Variants in AHCYL2 observed in about 807,000 individuals in gnomAD.
The protein encoded by AHCYL2 is adenosylhomocysteinase like 2, also known as S-adenosylhomocysteine hydrolase-like protein 2.
In AHCYL2, 28 loss-of-function variants were observed where a neutral mutation model predicts 81.4. The ratio of observed to expected loss-of-function variants is 0.34; its 90% CI spans 0.25 to 0.47. The LOEUF (loss-of-function observed/expected upper bound fraction) is 0.47. Among genes scored for constraint, AHCYL2 ranks in the 20% least tolerant of loss-of-function variants. The pLI is 1.00. For synonymous variants in AHCYL2, 272 were observed against 290.2 expected (o/e 0.94, Z 0.64); for missense variants, 551 against 785.1 (o/e 0.70, Z 3.56).
intron 1 of AHCYL2, among the ~76,000 whole-genome samples, chr7:129,310,571 A>G (rs1797619623): frequency 6.6e-6 from 1 of 152,220 alleles, no homozygotes; most frequent in African/African-American, 2.4e-5. Flanking sequence ...TAAGTGTTAA[A>G]TGCTATACAG....
chr7:129,367,016 A>G (rs961988179), intron 1 of AHCYL2, among the ~76,000 whole-genome samples: 1 of 152,184 alleles, frequency 6.6e-6, no homozygotes, highest in African/African-American at 2.4e-5. Flanking sequence ...TGGGTAGATA[A>G]GAGACAAATG....
intron 12 of AHCYL2, among the ~76,000 whole-genome samples, chr7:129,414,687 G>A (rs1263477004): frequency 6.6e-6 from 1 of 152,032 alleles, no homozygotes; most frequent in African/African-American, 2.4e-5. Flanking sequence ...CCAAAGTGCT[G>A]GGATTACAGG....
At chr7:129,304,140 A>C (rs1307688870) in intron 1 of AHCYL2, among the ~76,000 whole-genome samples, 17 of 152,212 alleles carry the variant, frequency 1.1e-4, no homozygotes. Flanking sequence ...AGGTTTGGGT[A>C]TGTTATGTTT....
At chr7:129,394,440 CTT>C (rs35797517) in intron 4 of AHCYL2, among the ~76,000 whole-genome samples, 3 of 45,734 alleles carry the variant, frequency 6.6e-5, no homozygotes, top group African/African-American at 8.2e-5. Flanking sequence ...TTGTATTTGA[CTT>C]TTTTTTTTTT....
chr7:129,339,701 A>AT (rs879264966), intron 1 of AHCYL2, among the ~76,000 whole-genome samples: 1,967 of 144,624 alleles, frequency 0.014, 21 homozygotes, highest in African/African-American at 0.029. Context: ...CTTGCTAATT[A>AT]TTTTTTTTTT....
chr7:129,320,679 G>T (rs936196351), intron 1 of AHCYL2, among the ~76,000 whole-genome samples: 1 of 152,116 alleles, frequency 6.6e-6, no homozygotes, highest in African/African-American at 2.4e-5. Context: ...TTGAAGTTCA[G>T]TGGTTTTTAG....
At chr7:129,364,846 A>G (rs987519135) in intron 1 of AHCYL2, among the ~76,000 whole-genome samples, 6 of 152,328 alleles carry the variant, frequency 3.9e-5, no homozygotes, top group Admixed American at 3.9e-4. Context: ...AAGGACTAAA[A>G]CCCTACTAAG....
chr7:129,336,331 G>A (rs1414909435), intron 1 of AHCYL2, among the ~76,000 whole-genome samples: 1 of 151,894 alleles, frequency 6.6e-6, no homozygotes, highest in African/African-American at 2.4e-5. Context: ...GCCTCCCAAA[G>A]TACTGGGATT....
At chr7:129,241,495 G>A (rs1021738907) in intron 1 of AHCYL2, among the ~76,000 whole-genome samples, 15 of 152,226 alleles carry the variant, frequency 9.9e-5, no homozygotes, top group East Asian at 1.9e-4. Flanking sequence ...GGAGGCTGAG[G>A]CAGGAGAATC....
intron 1 of AHCYL2, among the ~76,000 whole-genome samples, chr7:129,258,246 G>C (rs868317439): frequency 2.1e-5 from 2 of 96,958 alleles, no homozygotes; most frequent in African/African-American, 7.3e-5. Context: ...TTTTTTTTTT[G>C]CCTTTAAAAG....
intron 1 of AHCYL2, among the ~76,000 whole-genome samples, chr7:129,320,325 G>A (rs1222649395): frequency 6.6e-6 from 1 of 152,008 alleles, no homozygotes; most frequent in African/African-American, 2.4e-5. Context: ...ATCACTGTTT[G>A]TTTGTTTGTT....
intron 1 of AHCYL2, among the ~76,000 whole-genome samples, chr7:129,256,107 C>T (rs887353437): frequency 2.0e-5 from 3 of 152,202 alleles, no homozygotes; most frequent in African/African-American, 7.2e-5. Flanking sequence ...TACTACCCTT[C>T]AACTACTTTA....
chr7:129,358,347 G>T (rs983262878), intron 1 of AHCYL2, among the ~76,000 whole-genome samples: 9 of 150,176 alleles, frequency 6.0e-5, no homozygotes, highest in Non-Finnish European at 1.0e-4. Context: ...AGCAGAGATC[G>T]CGCCACTGCA....
chr7:129,343,434 TG>T (rs1379671684), intron 1 of AHCYL2, among the ~76,000 whole-genome samples: 1 of 152,192 alleles, frequency 6.6e-6, no homozygotes, highest in Non-Finnish European at 1.5e-5. Context: ...GCACCTTCCC[TG>T]CTATCAATTA....
At chr7:129,378,626 A>G (rs1794805371) in intron 1 of AHCYL2, among the ~76,000 whole-genome samples, 1 of 152,216 alleles carries the variant, frequency 6.6e-6, no homozygotes, top group Non-Finnish European at 1.5e-5. Context: ...GCAATTTCAG[A>G]ATGTTCATTC....
At chr7:129,273,257 A>G (rs1584729843) in intron 1 of AHCYL2, among the ~76,000 whole-genome samples, 1 of 150,646 alleles carries the variant, frequency 6.6e-6, no homozygotes, top group Non-Finnish European at 1.5e-5. Context: ...TCAAGATGCT[A>G]CCAATAAAAT....
At chr7:129,244,734 T>G (rs1226976890) in intron 1 of AHCYL2, among the ~76,000 whole-genome samples, 2 of 152,192 alleles carry the variant, frequency 1.3e-5, no homozygotes, top group Admixed American at 1.3e-4. Context: ...CATACGAATC[T>G]TTTGGGGGAA....
At chr7:129,290,575 G>C (rs902662217) in intron 1 of AHCYL2, among the ~76,000 whole-genome samples, 1 of 151,678 alleles carries the variant, frequency 6.6e-6, no homozygotes, top group Non-Finnish European at 1.5e-5. Flanking sequence ...GTGAGCTGAA[G>C]AAAGTGCAGT....
At chr7:129,322,216 T>G (rs1176148182) in intron 1 of AHCYL2, among the ~76,000 whole-genome samples, 1 of 152,158 alleles carries the variant, frequency 6.6e-6, no homozygotes, top group East Asian at 1.9e-4. Flanking sequence ...CTTGGCTCAC[T>G]GCAACCTCTT....
Sources: allele counts gnomAD v4.1 joint callset (sites outside exome capture counted in the v4.1 genomes callset), GRCh38; gene constraint gnomAD v4.1.1; transcripts MANE v1.5; gene names NCBI Gene and HGNC (gene_info 2026-07-23, HGNC 2026-07-21).